The following FBXL17 variants were observed in gnomAD, a reference collection of about 807,000 sequenced individuals.
FBXL17 encodes F-box/LRR-repeat protein 17.
A neutral mutation model predicts 66.2 loss-of-function variants in FBXL17; 22 were observed. The observed-to-expected ratio is 0.33, with a 90% CI of 0.24 to 0.47. FBXL17 has a LOEUF of 0.47. Among genes scored for constraint, FBXL17 ranks in the 20% least tolerant of loss-of-function variants. The pLI is 1.00. For synonymous variants in FBXL17, 474 were observed against 400.5 expected (o/e 1.18, Z -2.19); for missense variants, 878 against 948.2 (o/e 0.93, Z 0.97).
At chr5:107,890,532 T>A (rs1749164580) in intron 7 of FBXL17, among the ~76,000 whole-genome samples, 1 of 151,774 alleles carries the variant, frequency 6.6e-6, no homozygotes, top group African/African-American at 2.4e-5. Flanking sequence ...GGTGTGGTGA[T>A]GTGCACCTGT....
chr5:108,165,829 T>C (rs559270237), intron 6 of FBXL17, among the ~76,000 whole-genome samples: 1 of 152,362 alleles, frequency 6.6e-6, no homozygotes, highest in Admixed American at 6.5e-5. Flanking sequence ...TGTTTATTAA[T>C]CTGCTGCTTA....
At chr5:108,041,248 A>C (rs1747034297) in intron 6 of FBXL17, among the ~76,000 whole-genome samples, 1 of 152,180 alleles carries the variant, frequency 6.6e-6, no homozygotes, top group African/African-American at 2.4e-5. Context: ...CAACATGAGA[A>C]TGTTCCCCCT....
intron 6 of FBXL17, among the ~76,000 whole-genome samples, chr5:108,179,404 T>C (rs970229745): frequency 6.6e-6 from 1 of 151,920 alleles, no homozygotes; most frequent in African/African-American, 2.4e-5. Flanking sequence ...AACTTTCACC[T>C]CAATATACCT....
intron 6 of FBXL17, among the ~76,000 whole-genome samples, chr5:108,133,060 T>C (rs538691196): frequency 1.3e-5 from 2 of 152,276 alleles, no homozygotes; most frequent in South Asian, 4.1e-4. Flanking sequence ...ACAATAATCG[T>C]CATTAATATG....
chr5:108,107,359 C>T (rs1372742818), intron 6 of FBXL17, among the ~76,000 whole-genome samples: 1 of 152,168 alleles, frequency 6.6e-6, no homozygotes, highest in Non-Finnish European at 1.5e-5. Flanking sequence ...ATTTTAAATA[C>T]AACTACGAAA....
chr5:108,054,120 G>A (rs567176714), intron 6 of FBXL17, among the ~76,000 whole-genome samples: 1 of 152,076 alleles, frequency 6.6e-6, no homozygotes, highest in Non-Finnish European at 1.5e-5. Flanking sequence ...GCGGGGTGTG[G>A]GGAGAGGGGA....
At chr5:108,212,153 A>C (rs372432898) in intron 5 of FBXL17, among the ~76,000 whole-genome samples, 11 of 152,166 alleles carry the variant, frequency 7.2e-5, no homozygotes, top group South Asian at 4.1e-4. Context: ...TGAAGTTCTC[A>C]TACTGTGTTT....
intron 7 of FBXL17, 24 bp downstream of exon 7, chr5:108,020,901 T>A: frequency 6.6e-7 from 1 of 1,511,414 alleles, no homozygotes; most frequent in Non-Finnish European, 9.2e-7. Flanking sequence ...TTAGAAAGGA[T>A]TAGGAAAATG....
At chr5:108,295,049 A>G (rs1034757340) in intron 4 of FBXL17, among the ~76,000 whole-genome samples, 1 of 151,996 alleles carries the variant, frequency 6.6e-6, no homozygotes, top group Non-Finnish European at 1.5e-5. Context: ...AGTTATTTAG[A>G]GTGACATTAC....
At chr5:108,236,945 A>C (rs1755631528) in intron 4 of FBXL17, among the ~76,000 whole-genome samples, 1 of 152,166 alleles carries the variant, frequency 6.6e-6, no homozygotes, top group South Asian at 2.1e-4. Context: ...AGTCTAAAAC[A>C]GTCATATAGA....
At chr5:107,999,039 G>A (rs1753601200) in intron 7 of FBXL17, among the ~76,000 whole-genome samples, 1 of 152,142 alleles carries the variant, frequency 6.6e-6, no homozygotes, top group African/African-American at 2.4e-5. Flanking sequence ...CAGGTCTGCT[G>A]GCGATCTCTC....
intron 7 of FBXL17, among the ~76,000 whole-genome samples, chr5:107,915,978 T>C (rs965661827): frequency 6.6e-6 from 1 of 152,242 alleles, no homozygotes; most frequent in Non-Finnish European, 1.5e-5. Flanking sequence ...TTTCTCTCAC[T>C]GTATAAAGAT....
chr5:108,222,971 G>A (rs1754936943), intron 5 of FBXL17, among the ~76,000 whole-genome samples: 1 of 151,994 alleles, frequency 6.6e-6, no homozygotes, highest in Non-Finnish European at 1.5e-5. Flanking sequence ...ATTGTGCCTG[G>A]CCCGCATCTG....
At chr5:108,040,796 C>T (rs1377824127) in intron 6 of FBXL17, among the ~76,000 whole-genome samples, 3 of 152,004 alleles carry the variant, frequency 2.0e-5, no homozygotes, top group Non-Finnish European at 4.4e-5. Flanking sequence ...GAGGTTTTTA[C>T]CGTGGAAGTT....
At chr5:108,306,232 A>G (rs943839300) in intron 4 of FBXL17, among the ~76,000 whole-genome samples, 3 of 152,088 alleles carry the variant, frequency 2.0e-5, no homozygotes, top group Admixed American at 6.6e-5. Flanking sequence ...TACACTTCCA[A>G]CTGCCTCAAG....
chr5:107,945,520 C>T (rs568510701), intron 7 of FBXL17, among the ~76,000 whole-genome samples: 1 of 152,098 alleles, frequency 6.6e-6, no homozygotes, highest in South Asian at 2.1e-4. Flanking sequence ...AATGGTATAA[C>T]ATATAAGAGC....
At chr5:108,337,467 T>C (rs1325713063) in intron 4 of FBXL17, among the ~76,000 whole-genome samples, 1 of 152,150 alleles carries the variant, frequency 6.6e-6, no homozygotes, top group African/African-American at 2.4e-5. Flanking sequence ...ATCTCATTCT[T>C]ATTCCAAGGA....
chr5:107,972,658 T>G (rs1752415377), intron 7 of FBXL17, among the ~76,000 whole-genome samples: 1 of 152,186 alleles, frequency 6.6e-6, no homozygotes. Flanking sequence ...AGCATTCTTA[T>G]GATAAGTATA....
At chr5:107,936,623 T>C (rs1835977) in intron 7 of FBXL17, among the ~76,000 whole-genome samples, 4,480 of 152,170 alleles carry the variant, frequency 0.029, 99 homozygotes, top group Non-Finnish European at 0.045. Flanking sequence ...GGCCCCTATG[T>C]AGGTGAAGAC....
Sources: allele counts gnomAD v4.1 joint callset (sites outside exome capture counted in the v4.1 genomes callset), GRCh38; gene constraint gnomAD v4.1.1; transcripts MANE v1.5; gene names NCBI Gene and HGNC (gene_info 2026-07-23, HGNC 2026-07-21).